The following PCGF6 variants were observed in gnomAD, a reference collection of about 807,000 sequenced individuals.
PCGF6 encodes the protein polycomb group RING finger protein 6.
PCGF6 carries 24 observed loss-of-function variants against 45.5 expected under a neutral mutation model. That is an observed-to-expected ratio of 0.53 (90% CI 0.38 to 0.74). The LOEUF (loss-of-function observed/expected upper bound fraction) is 0.74. PCGF6 is among the 30% of genes least tolerant of loss of function. The pLI is 0.00. For missense variants in PCGF6, 356 were observed against 443.2 expected (o/e 0.80, Z 1.77); for synonymous variants, 152 against 162.1 (o/e 0.94, Z 0.47).
At chr10:103,323,240 G>T (rs2093204350) in intron 8 of PCGF6, among the ~76,000 whole-genome samples, 1 of 152,090 alleles carries the variant, frequency 6.6e-6, no homozygotes, top group African/African-American at 2.4e-5. Context: ...TATTTCACTG[G>T]ATTTAGTATA....
At chr10:103,331,626 T>A (rs2093240336) in intron 7 of PCGF6, among the ~76,000 whole-genome samples, 1 of 152,180 alleles carries the variant, frequency 6.6e-6, no homozygotes, top group Admixed American at 6.6e-5. Context: ...ACAATGTAAT[T>A]AATTTATATG....
At chr10:103,340,724 G>A (rs759535603) in intron 6 of PCGF6, among the ~76,000 whole-genome samples, 4 of 151,862 alleles carry the variant, frequency 2.6e-5, no homozygotes, top group Non-Finnish European at 4.4e-5. Flanking sequence ...AGCCTCCCTA[G>A]TAGATGGGAC....
intron 6 of PCGF6, among the ~76,000 whole-genome samples, chr10:103,339,185 C>T (rs572471807): frequency 1.3e-5 from 2 of 151,968 alleles, no homozygotes; most frequent in East Asian, 1.9e-4. Context: ...GAGGCCAAGG[C>T]GGGTAGATTG....
At chr10:103,337,323 T>C (rs2093260730) in intron 6 of PCGF6, among the ~76,000 whole-genome samples, 1 of 152,190 alleles carries the variant, frequency 6.6e-6, no homozygotes, top group African/African-American at 2.4e-5. Context: ...TATAGCACCA[T>C]GGACCACTTT....
At chr10:103,345,520 T>G (rs957386219) in intron 5 of PCGF6, among the ~76,000 whole-genome samples, 21 of 152,206 alleles carry the variant, frequency 1.4e-4, no homozygotes, top group African/African-American at 4.8e-4. Flanking sequence ...TTTTTTTTTT[T>G]TCTTAACTAA....
intron 7 of PCGF6, among the ~76,000 whole-genome samples, chr10:103,330,861 A>C (rs2093237562): frequency 6.6e-6 from 1 of 152,192 alleles, no homozygotes; most frequent in Non-Finnish European, 1.5e-5. Flanking sequence ...CCTGGGAGGC[A>C]GAGGTTGCAG....
At chr10:103,317,553 G>T (rs1241335126) in intron 8 of PCGF6, among the ~76,000 whole-genome samples, 3 of 151,934 alleles carry the variant, frequency 2.0e-5, no homozygotes, top group African/African-American at 7.3e-5. Context: ...GGGAAGCTGA[G>T]GCAGGAGGAC....
At chr10:103,347,582 T>A in intron 3 of PCGF6, 132 bp from the exon 4 acceptor site, 1 of 670,368 alleles carries the variant, frequency 1.5e-6, no homozygotes, top group East Asian at 2.7e-5. Flanking sequence ...TAAGTAGCAT[T>A]TACAGTTCCT....
chr10:103,328,066 T>C (rs1592065550), intron 7 of PCGF6, among the ~76,000 whole-genome samples: 1 of 151,840 alleles, frequency 6.6e-6, no homozygotes, highest in Admixed American at 6.6e-5. Context: ...GTGTAGGAGG[T>C]GATAAGTAGA....
chr10:103,310,064 C>A (rs778006358), intron 9 of PCGF6, among the ~76,000 whole-genome samples: 4 of 151,664 alleles, frequency 2.6e-5, no homozygotes, highest in Non-Finnish European at 5.9e-5. Flanking sequence ...CAATTCCCTG[C>A]CTCAGCCTCC....
intron 7 of PCGF6, among the ~76,000 whole-genome samples, chr10:103,328,376 T>C (rs899065802): frequency 1.3e-5 from 2 of 152,176 alleles, no homozygotes; most frequent in African/African-American, 4.8e-5. Context: ...TATTTTATTT[T>C]TCTAGGTGTC....
intron 9 of PCGF6, among the ~76,000 whole-genome samples, chr10:103,313,595 C>A (rs1304985963): frequency 2.0e-5 from 3 of 151,832 alleles, no homozygotes; most frequent in East Asian, 3.8e-4. Flanking sequence ...ATACAATATA[C>A]CAGTACGAAC....
chr10:103,315,365 T>C (rs1592057637), intron 8 of PCGF6, among the ~76,000 whole-genome samples: 1 of 152,062 alleles, frequency 6.6e-6, no homozygotes, highest in Non-Finnish European at 1.5e-5. Flanking sequence ...GTGTGTTTTT[T>C]AGTTCGTTTT....
chr10:103,341,383 A>G (rs2093280120), intron 6 of PCGF6, among the ~76,000 whole-genome samples: 1 of 151,384 alleles, frequency 6.6e-6, no homozygotes, highest in Middle Eastern at 3.2e-3. Context: ...CGGTCTCCCA[A>G]GTAGGTAGGA....
At chr10:103,348,140 T>C (rs2093306463) in intron 3 of PCGF6, among the ~76,000 whole-genome samples, 1 of 152,264 alleles carries the variant, frequency 6.6e-6, no homozygotes, top group African/African-American at 2.4e-5. Flanking sequence ...GGAATACCTA[T>C]ATACTGGAAA....
At chr10:103,311,505 C>T (rs938770021) in intron 9 of PCGF6, among the ~76,000 whole-genome samples, 4 of 150,328 alleles carry the variant, frequency 2.7e-5, no homozygotes, top group African/African-American at 9.8e-5. Flanking sequence ...AGTACAGAGC[C>T]ACTCATGGGT....
chr10:103,350,841 G>A lies in PCGF6; in HGVS notation c.226C>T (p.Arg76Cys), dbSNP rs561330452. 12 of 1,544,728 alleles carry A rather than the reference G, an allele frequency of 7.8e-6. No homozygotes were observed. The Admixed American group carries it at 2.2e-4, about 28-fold the overall frequency. The change falls in exon 1 of 10, where the codon CGC (arginine) becomes TGC (cysteine). Residue 76 changes from arginine to cysteine, a missense_variant. Transcript: ENST00000369847. ...PERSLGRFRGRFEDEDEELEE... is the reference protein window; with the variant it reads ...PERSLGRFRGCFEDEDEELEE... ...AACTCCTCGTCCTCGTCCTCGAAGCGGCCTCTGAAGCGGCCCAGGCTGCGC... is the reference window on the plus strand; with the variant it reads ...AACTCCTCGTCCTCGTCCTCGAAGCAGCCTCTGAAGCGGCCCAGGCTGCGC...
chr10:103,329,029 G>A (rs1226449597), intron 7 of PCGF6, among the ~76,000 whole-genome samples: 1 of 148,008 alleles, frequency 6.8e-6, no homozygotes, highest in Non-Finnish European at 1.5e-5. Flanking sequence ...ACAGGCGTGA[G>A]CCACTGCGCC....
intron 9 of PCGF6, among the ~76,000 whole-genome samples, chr10:103,309,001 C>T (rs771391806): frequency 2.6e-5 from 4 of 152,052 alleles, no homozygotes; most frequent in South Asian, 2.1e-4. Flanking sequence ...AGTTATTTGC[C>T]CAATGTTTAT....
Sources: allele counts gnomAD v4.1 joint callset (sites outside exome capture counted in the v4.1 genomes callset), GRCh38; gene constraint gnomAD v4.1.1; transcripts MANE v1.5; gene names NCBI Gene and HGNC (gene_info 2026-07-23, HGNC 2026-07-21).